Variants in FSTL5 observed in about 807,000 individuals in gnomAD.
FSTL5 encodes follistatin like 5.
A neutral mutation model predicts 89.1 loss-of-function variants in FSTL5; 62 were observed. The ratio of observed to expected loss-of-function variants is 0.70; its 90% CI spans 0.57 to 0.86. The LOEUF (loss-of-function observed/expected upper bound fraction) is 0.86, where lower values mean the gene tolerates loss of function less well. Among genes scored for constraint, FSTL5 ranks in the 40% least tolerant of loss-of-function variants. The probability of loss-of-function intolerance (pLI) is 0.00; values close to 1 mark genes in which losing one functional copy is unlikely to be tolerated. For missense variants in FSTL5, 1,057 were observed against 1,001.6 expected (o/e 1.06, Z -0.75); for synonymous variants, 383 against 346.2 (o/e 1.11, Z -1.18).
intron 8 of FSTL5, among the ~76,000 whole-genome samples, chr4:161,570,431 T>C (rs1227785112): frequency 1.3e-5 from 2 of 152,110 alleles, no homozygotes; most frequent in East Asian, 3.9e-4. Flanking sequence ...CACTTTCTTT[T>C]CTGAAAAGGA....
chr4:162,058,287 A>G (rs959835995), intron 2 of FSTL5, among the ~76,000 whole-genome samples: 120 of 152,256 alleles, frequency 7.9e-4, no homozygotes, highest in African/African-American at 2.7e-3. Context: ...GAAGGTTTCA[A>G]CTGGAAACCG....
At chr4:162,129,026 G>A (rs1006296661) in intron 1 of FSTL5, among the ~76,000 whole-genome samples, 1 of 151,418 alleles carries the variant, frequency 6.6e-6, no homozygotes, top group Non-Finnish European at 1.5e-5. Context: ...CCGGGTTCAA[G>A]CGATTCTCCT....
chr4:161,616,664 C>A (rs533772958), intron 7 of FSTL5, among the ~76,000 whole-genome samples: 1 of 151,976 alleles, frequency 6.6e-6, no homozygotes, highest in South Asian at 2.1e-4. Context: ...CTGATTAATA[C>A]AGAAGGGAAT....
intron 7 of FSTL5, among the ~76,000 whole-genome samples, chr4:161,629,963 T>C (rs1161597689): frequency 6.6e-6 from 1 of 152,178 alleles, no homozygotes; most frequent in Non-Finnish European, 1.5e-5. Context: ...GCCATTCTCT[T>C]ATGCATATCT....
intron 2 of FSTL5, among the ~76,000 whole-genome samples, chr4:162,089,172 A>C (rs1730440477): frequency 6.6e-6 from 1 of 152,008 alleles, no homozygotes; most frequent in Admixed American, 6.5e-5. Flanking sequence ...GGCACTTGCT[A>C]GTTGCTGGCA....
At chr4:161,507,183 G>A (rs944456188) in intron 11 of FSTL5, among the ~76,000 whole-genome samples, 1 of 151,848 alleles carries the variant, frequency 6.6e-6, no homozygotes, top group Non-Finnish European at 1.5e-5. Context: ...AAATCCTTCA[G>A]TGAATCAAAT....
At chr4:161,524,819 G>A (rs1286539915) in intron 10 of FSTL5, among the ~76,000 whole-genome samples, 1 of 151,984 alleles carries the variant, frequency 6.6e-6, no homozygotes, top group Non-Finnish European at 1.5e-5. Context: ...TTAGCCGGAG[G>A]TGGTGGCAGA....
intron 6 of FSTL5, among the ~76,000 whole-genome samples, chr4:161,706,326 A>G (rs530929450): frequency 1.9e-3 from 291 of 151,926 alleles, no homozygotes; most frequent in Middle Eastern, 3.4e-3. Flanking sequence ...GGAAGGAGGG[A>G]AATGTCATGA....
chr4:162,115,129 A>G (rs1158801876), intron 1 of FSTL5, among the ~76,000 whole-genome samples: 5 of 152,208 alleles, frequency 3.3e-5, no homozygotes, highest in African/African-American at 1.2e-4. Context: ...AAAAAAGACC[A>G]GAGAAAGAAC....
intron 15 of FSTL5, among the ~76,000 whole-genome samples, chr4:161,416,236 A>G (rs1731775353): frequency 1.3e-5 from 2 of 152,204 alleles, no homozygotes; most frequent in African/African-American, 2.4e-5. Context: ...GGTTAAATGT[A>G]TTGTCAGATT....
chr4:161,897,994 G>A (rs1733222612), intron 4 of FSTL5, among the ~76,000 whole-genome samples: 1 of 150,772 alleles, frequency 6.6e-6, no homozygotes, highest in Non-Finnish European at 1.5e-5. Context: ...TTTTCACAAT[G>A]GCTTATTTCA....
chr4:161,761,292 A>G (rs1740790813), intron 5 of FSTL5, among the ~76,000 whole-genome samples: 1 of 152,226 alleles, frequency 6.6e-6, no homozygotes, highest in Admixed American at 6.5e-5. Context: ...CTATTTAGAA[A>G]GCAACAGAGC....
chr4:161,440,151 C>A (rs1367847202), intron 15 of FSTL5, among the ~76,000 whole-genome samples: 2 of 152,014 alleles, frequency 1.3e-5, no homozygotes, highest in African/African-American at 2.4e-5. Context: ...AAAAGAATAA[C>A]CTTAATCCTC....
chr4:161,976,062 G>T (rs1405900213), intron 3 of FSTL5, among the ~76,000 whole-genome samples: 1 of 144,790 alleles, frequency 6.9e-6, no homozygotes, highest in African/African-American at 2.6e-5. Context: ...ATCTTGCAGT[G>T]AGCCGAGATC....
chr4:161,798,520 A>T (rs1729701300), intron 4 of FSTL5, among the ~76,000 whole-genome samples: 1 of 151,460 alleles, frequency 6.6e-6, no homozygotes, highest in Non-Finnish European at 1.5e-5. Context: ...ACAGCAATTG[A>T]GAGTATCTTC....
At position 161,664,512 on chromosome 4, in the gene FSTL5, T is replaced by C. The variant is rs147823043; in HGVS notation, c.728-8018A>G. Among the ~76,000 whole-genome samples the C allele has an allele frequency of 7.8e-4, 119 of 152,280 alleles. 1 individual carries two copies. The East Asian group carries it at 0.022, about 28-fold the overall frequency. On this transcript the variant is annotated intron_variant, in intron 6 of 15. Transcript: ENST00000306100. ...TTTCCAGTTCCCAACAAGTTCCTCA[T>C]CTCCATCTGAGACCACCTCAGCCTG...
chr4:161,468,844 T>A (rs1287587020), intron 13 of FSTL5, among the ~76,000 whole-genome samples: 2 of 152,188 alleles, frequency 1.3e-5, no homozygotes, highest in African/African-American at 4.8e-5. Flanking sequence ...GTATTAATTG[T>A]GACTTTTGTT....
chr4:161,896,698 G>A (rs955631786), intron 4 of FSTL5, among the ~76,000 whole-genome samples: 12 of 152,014 alleles, frequency 7.9e-5, no homozygotes, highest in East Asian at 3.9e-4. Flanking sequence ...TAAGGTAATC[G>A]GACATTTACA....
chr4:161,672,883 A>G (rs56885096), intron 6 of FSTL5, among the ~76,000 whole-genome samples: 9,450 of 152,054 alleles, frequency 0.062, 394 homozygotes, highest in East Asian at 0.21. Flanking sequence ...TAGACTTTTA[A>G]TTACTCTAAA....
Sources: gnomAD v4.1 joint callset for allele counts (sites outside exome capture counted in the v4.1 genomes callset) on GRCh38, gnomAD v4.1.1 for gene constraint, MANE v1.5 for transcripts, NCBI Gene and HGNC (gene_info 2026-07-23, HGNC 2026-07-21) for gene names.